The following POLQ variants were observed in gnomAD, a reference collection of about 807,000 sequenced individuals.
POLQ encodes DNA polymerase theta, also known as epididymis secretory sperm binding protein.
A neutral mutation model predicts 259.2 loss-of-function variants in POLQ; 233 were observed. The ratio of observed to expected loss-of-function variants is 0.90; its 90% CI spans 0.81 to 1.00. The LOEUF (loss-of-function observed/expected upper bound fraction) is 1.00. Among genes scored for constraint, POLQ ranks in the 50% least tolerant of loss-of-function variants. The probability of loss-of-function intolerance (pLI) is 0.00; values close to 1 mark genes in which losing one functional copy is unlikely to be tolerated. For missense variants in POLQ, 2,871 were observed against 3,051.6 expected, an observed-to-expected ratio of 0.94 and a Z score of 1.39; for synonymous variants, 1,025 against 1,048.8, an observed-to-expected ratio of 0.98 and a Z score of 0.44.
chr3:121,499,307 T>C (rs1039102693), intron 12 of POLQ, among the ~76,000 whole-genome samples: 2 of 149,224 alleles, frequency 1.3e-5, no homozygotes, highest in African/African-American at 4.9e-5. Context: ...TGTTCTATCA[T>C]CCAGGCTGGG....
At chr3:121,541,288 A>G in intron 3 of POLQ, 61 bp downstream of exon 3, 2 of 1,366,754 alleles carry the variant, frequency 1.5e-6, no homozygotes, top group East Asian at 2.3e-5. Context: ...TTTCAAATGA[A>G]TGAAACCAAG....
Position 121,533,204 on chromosome 3 carries a change from G to T in POLQ, c.746C>A (p.Ala249Glu). The T allele has an allele frequency of 1.9e-6, 3 of 1,554,556 alleles. No homozygotes were observed. Among genetic ancestry groups the T allele is most frequent in the Non-Finnish European group, 2.6e-6 (3 of 1,149,206 alleles). ...ATTAGACAGAGAACTGGCTAGATCT[G>T]CCTGACTGTAAAAAAACAAATGAAA... ...YITRKSASCQ[A>E]DLASSLSNAV... is the part of the protein sequence containing the mutation. Residue 249 changes from alanine (A) to glutamate (E), a missense_variant, in exon 6 of 30, where the codon GCA becomes GAA. Physicochemically the swap from Ala to Glu is moderately radical, Grantham distance 107. Transcript: ENST00000264233.
intron 18 of POLQ, among the ~76,000 whole-genome samples, chr3:121,483,124 C>G (rs1314415293): frequency 6.6e-6 from 1 of 152,114 alleles, no homozygotes; most frequent in Non-Finnish European, 1.5e-5. Flanking sequence ...GGACTTATGA[C>G]CCAAATTAAA....
chr3:121,449,872 GACTTAACT>G (rs2047659456), intron 25 of POLQ, among the ~76,000 whole-genome samples: 1 of 151,722 alleles, frequency 6.6e-6, no homozygotes, highest in Non-Finnish European at 1.5e-5. Context: ...TTATGACGAA[GACTTAACT>G]GGAAAAAAAA....
At chr3:121,503,691 G>C (rs977312207) in intron 12 of POLQ, among the ~76,000 whole-genome samples, 1 of 152,156 alleles carries the variant, frequency 6.6e-6, no homozygotes. Flanking sequence ...TCAAGTCTCT[G>C]ATATAAAATG....
intron 25 of POLQ, among the ~76,000 whole-genome samples, chr3:121,451,845 T>A (rs999593292): frequency 6.6e-6 from 1 of 152,216 alleles, no homozygotes; most frequent in East Asian, 1.9e-4. Context: ...TCTGCAGAGG[T>A]TTCTGCTGCC....
Position 121,487,643 on chromosome 3 carries a change from T to C in POLQ, c.5288A>G (p.Asn1763Ser). Residue 1763 changes from asparagine to serine, a missense_variant, in exon 16 of 30, where the codon AAT becomes AGT. Coordinates refer to ENST00000264233, the MANE Select transcript of POLQ (RefSeq NM_199420.4). ...LETPVNPWKTNNVLQPGESYL... is the reference protein window; with the variant it reads ...LETPVNPWKTSNVLQPGESYL... The stretch of plus-strand genomic sequence containing the variant: ...ACTTTCACCAGGTTGTAAAACATTA[T>C]TAGTTTTCCAAGGGTTTACAGGTGT... 1 of 1,613,506 alleles carries C rather than the reference T, an allele frequency of 6.2e-7. No individual in the cohort carries two copies. The highest frequency in any genetic ancestry group is 8.5e-7 in the Non-Finnish European group (1 of 1,179,508).
At chr3:121,533,428 C>G (rs941187597) in intron 5 of POLQ, among the ~76,000 whole-genome samples, 1 of 152,186 alleles carries the variant, frequency 6.6e-6, no homozygotes, top group African/African-American at 2.4e-5. Context: ...GTAACACCTC[C>G]ACAATCTGTG....
At chr3:121,520,292 G>A (rs2048328761) in intron 8 of POLQ, among the ~76,000 whole-genome samples, 1 of 151,974 alleles carries the variant, frequency 6.6e-6, no homozygotes. Context: ...TCCCAGCAGT[G>A]TGGGAGGCTG....
chr3:121,494,417 C>T (rs556431616), intron 14 of POLQ: 43 of 1,553,102 alleles, frequency 2.8e-5, no homozygotes, highest in Admixed American at 1.7e-4. Flanking sequence ...CAAGTACAGA[C>T]CAGAGTCAAG....
chr3:121,526,899 G>T, intron 7 of POLQ, among the ~76,000 whole-genome samples: 1 of 151,984 alleles, frequency 6.6e-6, no homozygotes, highest in Non-Finnish European at 1.5e-5. Flanking sequence ...GTGCGCGCGC[G>T]CACGCACGTG....
intron 8 of POLQ, chr3:121,521,728 G>C (rs1292142935): frequency 5.7e-6 from 1 of 174,436 alleles, no homozygotes; most frequent in Non-Finnish European, 1.2e-5. Flanking sequence ...GTGCCACAAC[G>C]CCCAGCTGAT....
intron 21 of POLQ, among the ~76,000 whole-genome samples, chr3:121,472,553 T>C (rs924837876): frequency 6.6e-6 from 1 of 152,244 alleles, no homozygotes; most frequent in Non-Finnish European, 1.5e-5. Flanking sequence ...CGGATACTTA[T>C]ACGGTTTCCA....
chr3:121,493,620 A>G lies in POLQ; in HGVS notation c.2380T>C (p.Cys794Arg). Residue 794 changes from cysteine to arginine, a missense_variant, in exon 15 of 30, where the codon TGT becomes CGT. Cys to Arg is a radical substitution (Grantham distance 180, BLOSUM62 -3). This residue lies in a region of POLQ where 2,080 missense variants were observed against 2,126.0 expected (regional missense o/e 0.98). Coordinates refer to ENST00000264233, the MANE Select transcript of POLQ (RefSeq NM_199420.4). ...RLTFGIQREL[C>R]DLVRVSLLNA... ...AGTAAGGATACCCGAACCAGGTCAC[A>G]CAGCTCCCTCTGGATGCCAAACGTA... 6.2e-7 allele frequency: 1 copy of G among 1,614,144 alleles called. No homozygotes were observed. The highest frequency in any genetic ancestry group is 1.1e-5 in the South Asian group (1 of 91,066).
At chr3:121,541,528 T>C in intron 2 of POLQ, 49 bp from the exon 3 acceptor site, 2 of 1,490,682 alleles carry the variant, frequency 1.3e-6, no homozygotes, top group Non-Finnish European at 1.8e-6. Context: ...TAATATTCGG[T>C]ACAATTCATT....
Position 121,493,477 on chromosome 3 carries a change from C to T in POLQ, c.2522+1G>A, listed in dbSNP as rs756957850. 1 of 1,608,962 alleles carries T rather than the reference C, an allele frequency of 6.2e-7. No individual in the cohort carries two copies. The highest frequency in any genetic ancestry group is 2.2e-5 in the East Asian group (1 of 44,788). Reference sequence around the variant, plus strand: ...CCATGTAGGTAAAGGTATTTTCTTACCTTTTGAAAGGCACAGCATTTTTCA... The same window carrying T: ...CCATGTAGGTAAAGGTATTTTCTTATCTTTTGAAAGGCACAGCATTTTTCA... On this transcript the variant is annotated splice_donor_variant, in intron 15 of 29. Coordinates refer to ENST00000264233, the MANE Select transcript of POLQ (RefSeq NM_199420.4). LOFTEE classifies it high-confidence loss of function.
In POLQ at chr3:121,460,209, G is replaced by A. The variant is rs1210093079; in HGVS notation, c.6993C>T (p.Tyr2331=). The change falls in exon 25 of 30, where the codon TAC becomes TAT. Residue 2331 remains tyrosine (Y), a synonymous_variant. Coordinates refer to ENST00000264233, the MANE Select transcript of POLQ (RefSeq NM_199420.4). ...FPGGSILAAD[Y]SQLELRILAH... is the part of the protein sequence containing the mutation. Reference sequence around the variant, plus strand: ...CCAAGATCCTCAGTTCAAGCTGAGAGTAGTCAGCAGCCAGTATTGAACCAC... The same window carrying A: ...CCAAGATCCTCAGTTCAAGCTGAGAATAGTCAGCAGCCAGTATTGAACCAC... 4 of 1,613,290 alleles carry A rather than the reference G, an allele frequency of 2.5e-6. No homozygotes were observed. The highest frequency in any genetic ancestry group is 4.5e-5 in the East Asian group (2 of 44,870).
At chr3:121,494,120 G>C in intron 14 of POLQ, 1 of 744,570 alleles carries the variant, frequency 1.3e-6, no homozygotes. Context: ...ATGCCGAAAG[G>C]AAAGAAGGCC....
chr3:121,522,640 T>C (rs2048345791), intron 7 of POLQ, among the ~76,000 whole-genome samples: 1 of 152,158 alleles, frequency 6.6e-6, no homozygotes, highest in Non-Finnish European at 1.5e-5. Flanking sequence ...TGATGCCTGG[T>C]TCTTAATCCT....
Sources: gnomAD v4.1 joint callset for allele counts (sites outside exome capture counted in the v4.1 genomes callset) on GRCh38, gnomAD v4.1.1 for gene constraint, gnomAD v4.1.1 regional missense constraint, MANE v1.5 for transcripts, NCBI Gene and HGNC (gene_info 2026-07-23, HGNC 2026-07-21) for gene names.